Variants in URM1 observed in about 807,000 individuals in gnomAD.
The protein encoded by URM1 is ubiquitin-related modifier 1.
Under a neutral mutation model 17.7 loss-of-function variants are expected in URM1, and 11 were observed. That is an observed-to-expected ratio of 0.62 (90% confidence interval 0.39 to 1.03). The LOEUF (loss-of-function observed/expected upper bound fraction) is 1.03, where lower values mean the gene tolerates loss of function less well. Among genes scored for constraint, URM1 ranks in the 50% least tolerant of loss-of-function variants. The probability of loss-of-function intolerance (pLI) is 0.00; values close to 1 mark genes in which losing one functional copy is unlikely to be tolerated. For missense variants in URM1, 128 were observed against 129.2 expected (o/e 0.99, Z 0.04); for synonymous variants, 48 against 50.6 (o/e 0.95, Z 0.22).
At position 128,389,345 on chromosome 9, in the gene URM1, T is replaced by C. The variant is rs770076947; in HGVS notation, c.237+36T>C. On this transcript the variant is annotated intron_variant, in intron 4 of 4. Coordinates refer to ENST00000372853, the MANE Select transcript of URM1 (RefSeq NM_030914.4). ...TGGGGGACATCCCTCCCCCAGCCCC[T>C]GCCCTTGCTGCTTCAGTGGGAAAGC... 8 of 1,613,822 alleles carry C rather than the reference T, an allele frequency of 5.0e-6. No individual in the cohort carries two copies. In the African/African-American group the frequency reaches 6.7e-5, roughly 13 times the overall value.
chr9:128,379,487 G>T (rs760723742), intron 2 of URM1, among the ~76,000 whole-genome samples: 6 of 142,272 alleles, frequency 4.2e-5, no homozygotes, highest in Non-Finnish European at 7.7e-5. Flanking sequence ...CTCAAAAAAA[G>T]AAAAAGAAAT....
Position 128,387,838 on chromosome 9 carries a change from C to G in URM1, c.129C>G (p.Ile43Met). 2 of 1,614,176 alleles carry G rather than the reference C, an allele frequency of 1.2e-6. No homozygotes were observed. The highest frequency in any genetic ancestry group is 1.7e-6 in the Non-Finnish European group (2 of 1,180,032). Reference sequence around the variant, plus strand: ...CAGGGGACATCCGGAACCTGCTCATCTGGATCAAGAAGAATTTGCTAAAAG... The same window carrying G: ...CAGGGGACATCCGGAACCTGCTCATGTGGATCAAGAAGAATTTGCTAAAAG... The part of the protein sequence containing the change: ...EEPWDIRNLL[I>M]WIKKNLLKER... The change falls in exon 3 of 5, where the codon ATC becomes ATG. Residue 43 changes from isoleucine to methionine, a missense_variant. Coordinates refer to ENST00000372853, the MANE Select transcript of URM1 (RefSeq NM_030914.4). The surrounding 1 kb of genome is among the most constrained non-coding windows in gnomAD (Gnocchi z 4.3).
At chr9:128,380,317 G>A (rs554282541) in intron 2 of URM1, among the ~76,000 whole-genome samples, 170 of 152,260 alleles carry the variant, frequency 1.1e-3, no homozygotes, top group African/African-American at 4.0e-3. Flanking sequence ...TCTGCCACAC[G>A]TGGAGGCTGG....
At chr9:128,371,529 G>A in intron 1 of URM1, 114 bp downstream of exon 1, 1 of 1,072,840 alleles carries the variant, frequency 9.3e-7, no homozygotes, top group Non-Finnish European at 1.4e-6. Flanking sequence ...CCCAGTGCCC[G>A]CTGTGAGCTA....
At chr9:128,376,056 AT>A (rs368786852) in intron 1 of URM1, among the ~76,000 whole-genome samples, 7,017 of 145,864 alleles carry the variant, frequency 0.048, 162 homozygotes, top group Middle Eastern at 0.086. Flanking sequence ...TGGGTACTTG[AT>A]TTTTTTTTTT....
At chr9:128,388,534 C>G (rs892720468) in intron 3 of URM1, 12 of 985,932 alleles carry the variant, frequency 1.2e-5, no homozygotes, top group Non-Finnish European at 1.3e-5. Context: ...TTATTTGCCT[C>G]GAAGCATAGG....
chr9:128,379,263 C>T (rs142164471), intron 2 of URM1, among the ~76,000 whole-genome samples: 62 of 152,216 alleles, frequency 4.1e-4, no homozygotes, highest in African/African-American at 1.4e-3. Flanking sequence ...GGGCAGATCA[C>T]GAGGTCAGGA....
At chr9:128,385,200 T>C (rs958847247) in intron 2 of URM1, among the ~76,000 whole-genome samples, 5 of 152,126 alleles carry the variant, frequency 3.3e-5, no homozygotes, top group Non-Finnish European at 7.4e-5. Context: ...GCCCCAGCCT[T>C]CCCATGTGTT....
At chr9:128,375,530 G>C (rs1453914715) in intron 1 of URM1, among the ~76,000 whole-genome samples, 1 of 152,130 alleles carries the variant, frequency 6.6e-6, no homozygotes, top group Non-Finnish European at 1.5e-5. Context: ...GGGCAATAGA[G>C]TGAGACCTCA....
chr9:128,386,614 C>T (rs1235623388), intron 2 of URM1, among the ~76,000 whole-genome samples: 1 of 152,260 alleles, frequency 6.6e-6, no homozygotes, highest in African/African-American at 2.4e-5. Flanking sequence ...CCTTAACTCC[C>T]TGCCCAAGGC....
rs1395076128 is a variant in URM1 at position 128,387,002 on chromosome 9, A to C, written c.107-814A>C. Among the ~76,000 whole-genome samples the C allele has an allele frequency of 2.6e-5, 4 of 152,260 alleles. No individual in the cohort carries two copies. Among genetic ancestry groups the C allele is most frequent in the Admixed American group, 2.6e-4 (4 of 15,288 alleles). ...TAGGCTTCGAGGTGTTTATAGAGCC[A>C]CATTTCTGTGTGCTGTGGCCCGATA... On this transcript the variant is annotated intron_variant, in intron 2 of 4. Coordinates refer to ENST00000372853, the MANE Select transcript of URM1 (RefSeq NM_030914.4). This position sits in a 1 kb window ranked among gnomAD's most constrained non-coding sequence, Gnocchi z 4.3.
chr9:128,389,800 C>T lies in URM1; in HGVS notation c.*66C>T. ...GAAGCAATCAGACATCCCCTTGGGC[C>T]CTGCTTCCAGGTCTCCCTGTCCCCC... On this transcript the variant is annotated 3_prime_UTR_variant, in exon 5 of 5. Transcript: ENST00000372853. 1.2e-6 allele frequency: 2 copies of T among 1,603,754 alleles called. No homozygotes were observed. The highest frequency in any genetic ancestry group is 3.4e-5 in the Admixed American group (2 of 59,394).
At chr9:128,388,104 G>A (rs1833252548) in intron 3 of URM1, 2 of 1,331,046 alleles carry the variant, frequency 1.5e-6, no homozygotes, top group Admixed American at 6.7e-5. Flanking sequence ...AAAGGAGCCT[G>A]GTGAATTTCT....
rs937811045 is a variant in URM1 at position 128,390,080 on chromosome 9, C to G, written c.*346C>G. On this transcript the variant is annotated 3_prime_UTR_variant, in exon 5 of 5. Coordinates refer to ENST00000372853, the MANE Select transcript of URM1 (RefSeq NM_030914.4). Reference sequence around the variant, plus strand: ...TACCTCAGTCTAAACATGGAGTGGCCGCTGACAAGGCGCTCCAGCCCCAGA... The same window carrying G: ...TACCTCAGTCTAAACATGGAGTGGCGGCTGACAAGGCGCTCCAGCCCCAGA... 1.3e-5 allele frequency: 4 copies of G among 303,334 alleles called. No homozygotes were observed. The highest frequency in any genetic ancestry group is 6.6e-5 in the South Asian group (1 of 15,192). 18.8% of individuals were successfully genotyped at this position (303,334 alleles called of 1,614,324 possible). A position where few individuals can be genotyped will look rare whatever the true frequency, so the allele number is the denominator to read the frequency against.
At chr9:128,388,590 T>C in intron 3 of URM1, 1 of 986,144 alleles carries the variant, frequency 1.0e-6, no homozygotes, top group Non-Finnish European at 1.2e-6. Context: ...TCAGCCCTCC[T>C]TCAGGTCATG....
At chr9:128,376,400 C>CTGTAATCCCAACACTTCGGGA (rs752882765) in intron 1 of URM1, among the ~76,000 whole-genome samples, 6 of 146,768 alleles carry the variant, frequency 4.1e-5, no homozygotes, top group Admixed American at 1.4e-4. Flanking sequence ...TGGCTCACGC[C>CTGTAATCCCAACACTTCGGGA]TGTAATCCCA....
intron 2 of URM1, among the ~76,000 whole-genome samples, chr9:128,385,165 G>T (rs1199592436): frequency 6.6e-6 from 1 of 152,122 alleles, no homozygotes; most frequent in South Asian, 2.1e-4. Context: ...CTGTTCTGCT[G>T]CCTTGAACCT....
chr9:128,389,277 G>C lies in URM1; in HGVS notation c.205G>C (p.Val69Leu). The C allele has an allele frequency of 6.2e-7, 1 of 1,603,958 alleles. No homozygotes were observed. Among genetic ancestry groups the C allele is most frequent in the South Asian group, 1.1e-5 (1 of 90,342 alleles). The change falls in exon 4 of 5, where the codon GTG becomes CTG. Residue 69 changes from valine (V) to leucine (L), a missense_variant. Coordinates refer to ENST00000372853, the MANE Select transcript of URM1 (RefSeq NM_030914.4). ...QGDSVRPGIL[V>L]LINDADWELL... ...TTCCCACAGGCGGCCAGGAATTCTG[G>C]TGCTGATTAACGATGCCGACTGGGA...
At chr9:128,377,864 A>G (rs1441907436) in intron 1 of URM1, 172 bp from the exon 2 acceptor site, 1 of 659,328 alleles carries the variant, frequency 1.5e-6, no homozygotes, top group East Asian at 3.0e-5. Context: ...TGTCTCTAAG[A>G]AAGAAAGGGG....
Sources: allele counts gnomAD v4.1 joint callset (sites outside exome capture counted in the v4.1 genomes callset), GRCh38; gene constraint gnomAD v4.1.1; non-coding constraint Gnocchi (gnomAD v3.1); transcripts MANE v1.5; gene names NCBI Gene and HGNC (gene_info 2026-07-23, HGNC 2026-07-21).